Variants in POLI observed in about 807,000 individuals in gnomAD.
POLI encodes the protein RAD30 homolog B.
Under a neutral mutation model 51.6 loss-of-function variants are expected in POLI, and 58 were observed. The ratio of observed to expected loss-of-function variants is 1.12; its 90% CI spans 0.91 to 1.40. The LOEUF (loss-of-function observed/expected upper bound fraction) is 1.40. POLI is among the 40% of genes most tolerant of loss of function. The pLI is 0.00. For synonymous variants in POLI, 322 were observed against 299.7 expected, an observed-to-expected ratio of 1.07 and a Z score of -0.77; for missense variants, 921 against 871.3, an observed-to-expected ratio of 1.06 and a Z score of -0.72.
At chr18:54,290,146 A>G (rs563075184) in intron 8 of POLI, among the ~76,000 whole-genome samples, 1 of 152,268 alleles carries the variant, frequency 6.6e-6, no homozygotes, top group African/African-American at 2.4e-5. Flanking sequence ...AAAGCAAACA[A>G]CCCCATCAAA....
chr18:54,292,455 T>C (rs1032681331), intron 9 of POLI, among the ~76,000 whole-genome samples: 6 of 152,170 alleles, frequency 3.9e-5, no homozygotes, highest in African/African-American at 1.2e-4. Flanking sequence ...TTCTTCATTT[T>C]GAAATAGTAT....
Position 54,293,987 on chromosome 18 carries a change from C to T in POLI, c.1743C>T (p.Pro581=), listed in dbSNP as rs2088160744. The T allele has an allele frequency of 6.2e-7, 1 of 1,612,822 alleles. No individual in the cohort carries two copies. The highest frequency in any genetic ancestry group is 1.7e-5 in the Admixed American group (1 of 59,900). Residue 581 remains proline (P), a synonymous_variant, in exon 10 of 10, where the codon CCC becomes CCT. Transcript: ENST00000579534. The part of the protein sequence containing the change: ...FFSKKQMQDI[P]INPRDHLSSS... ...CTAAAAAACAAATGCAAGATATTCC[C>T]ATAAATCCTAGAGATCATTTATCCA...
intron 9 of POLI, among the ~76,000 whole-genome samples, chr18:54,292,513 T>C (rs1250513701): frequency 1.3e-5 from 2 of 152,148 alleles, no homozygotes; most frequent in Non-Finnish European, 2.9e-5. Flanking sequence ...ATTTCATAGT[T>C]GTAAAGTTAA....
Position 54,283,979 on chromosome 18 carries a change from A to T in POLI, c.1033A>T (p.Lys345Ter). 6.7e-7 allele frequency: 1 copy of T among 1,483,184 alleles called. No homozygotes were observed. The highest frequency in any genetic ancestry group is 9.3e-7 in the Non-Finnish European group (1 of 1,069,804). The allele number at this position is 1,483,184 out of a possible 1,614,324, so 91.9% of individuals were successfully genotyped here. ...KCSSEVEAKNKIEELLASLLN... is the reference protein window; with the variant it reads ...KCSSEVEAKN Reference sequence around the variant, plus strand: ...TTCATCTGAAGTTGAAGCTAAAAATAAGATTGAAGAACTACTTGCTAGTCT... The same window carrying T: ...TTCATCTGAAGTTGAAGCTAAAAATTAGATTGAAGAACTACTTGCTAGTCT... The change falls in exon 7 of 10, where the codon AAG (lysine) becomes TAG (stop). Residue 345 changes from lysine (K) to a stop codon, truncating the protein, a stop_gained. Coordinates refer to ENST00000579534, the MANE Select transcript of POLI (RefSeq NM_007195.3). LOFTEE classifies it high-confidence loss of function.
At chr18:54,280,980 T>A in intron 5 of POLI, 77 bp downstream of exon 5, 1 of 752,340 alleles carries the variant, frequency 1.3e-6, no homozygotes, top group Non-Finnish European at 2.1e-6. Flanking sequence ...AGATACAATG[T>A]AATTAATTCT....
chr18:54,312,523 G>T (rs1394339091), intron 3 of POLI, among the ~76,000 whole-genome samples: 3 of 152,076 alleles, frequency 2.0e-5, no homozygotes, highest in African/African-American at 7.2e-5. Flanking sequence ...GTTCTTTGAG[G>T]AATCTCCAAA....
At chr18:54,310,481 T>G (rs1444375960) in intron 3 of POLI, among the ~76,000 whole-genome samples, 1 of 66,392 alleles carries the variant, frequency 1.5e-5, no homozygotes, top group Non-Finnish European at 2.8e-5. Context: ...CAGTATTACC[T>G]ACTATTTTTT....
intron 3 of POLI, among the ~76,000 whole-genome samples, chr18:54,315,819 C>G (rs2088727795): frequency 6.6e-6 from 1 of 152,102 alleles, no homozygotes; most frequent in Non-Finnish European, 1.5e-5. Context: ...TCTTTCTCCA[C>G]CTCTTTACTT....
At chr18:54,290,171 T>C (rs1423821691) in intron 8 of POLI, among the ~76,000 whole-genome samples, 1 of 152,180 alleles carries the variant, frequency 6.6e-6, no homozygotes, top group African/African-American at 2.4e-5. Context: ...GGGCAAAGGA[T>C]ATGAACAGAC....
chr18:54,311,525 T>C (rs1423683496), intron 3 of POLI, among the ~76,000 whole-genome samples: 3 of 152,234 alleles, frequency 2.0e-5, no homozygotes, highest in Admixed American at 2.0e-4. Flanking sequence ...TTGATTTATC[T>C]AAACCAAACC....
At chr18:54,306,171 T>G (rs2088582804) in intron 3 of POLI, among the ~76,000 whole-genome samples, 1 of 152,226 alleles carries the variant, frequency 6.6e-6, no homozygotes, top group Non-Finnish European at 1.5e-5. Flanking sequence ...AAGGGAATGC[T>G]TCCAGTTTTT....
chr18:54,287,573 T>G, intron 8 of POLI, 162 bp downstream of exon 8: 1 of 532,740 alleles, frequency 1.9e-6, no homozygotes, highest in South Asian at 2.2e-5. Flanking sequence ...AACTTTGTTG[T>G]TTGTTTATTT....
In POLI at chr18:54,294,429, A is replaced by C. The variant is rs528650008; in HGVS notation, c.2185A>C (p.Lys729Gln). 1.2e-6 allele frequency: 2 copies of C among 1,610,572 alleles called. No homozygotes were observed. Among genetic ancestry groups the C allele is most frequent in the African/African-American group, 1.3e-5 (1 of 74,790 alleles). ...AVQKELLAEW[K>Q]RAGSDFHIGH... ...ACAAAAGGAACTGCTGGCAGAGTGG[A>C]AGAGAGCAGGATCAGATTTCCACAT... The change falls in exon 10 of 10, where the codon AAG becomes CAG. Residue 729 changes from lysine to glutamine, a missense_variant. Coordinates refer to ENST00000579534, the MANE Select transcript of POLI (RefSeq NM_007195.3).
In POLI at chr18:54,297,141, G is replaced by A. The variant is rs1331452694; in HGVS notation, c.*2674G>A. 1.0e-5 allele frequency: 10 copies of A among 985,258 alleles called. No homozygotes were observed. The highest frequency in any genetic ancestry group is 1.2e-5 in the Non-Finnish European group (10 of 829,932). 61.0% of individuals were successfully genotyped at this position (985,258 alleles called of 1,614,324 possible). On this transcript the variant is annotated 3_prime_UTR_variant, in exon 10 of 10. Coordinates refer to ENST00000579534, the MANE Select transcript of POLI (RefSeq NM_007195.3). ...AGCTCCCTGACCCTTACTACTAGCCGAAGGTTTTGTCTCTGCAGGTCAATT... is the reference window on the plus strand; with the variant it reads ...AGCTCCCTGACCCTTACTACTAGCCAAAGGTTTTGTCTCTGCAGGTCAATT...
chr18:54,290,640 T>A (rs928816315), intron 8 of POLI, among the ~76,000 whole-genome samples: 7 of 152,306 alleles, frequency 4.6e-5, no homozygotes, highest in African/African-American at 7.2e-5. Flanking sequence ...CATGGAATAC[T>A]ATGCAGCCAT....
intron 3 of POLI, among the ~76,000 whole-genome samples, chr18:54,315,496 G>C (rs999366334): frequency 6.6e-6 from 1 of 152,072 alleles, no homozygotes; most frequent in Non-Finnish European, 1.5e-5. Context: ...TCAAGTGTTT[G>C]CTTTAAGTCC....
intron 5 of POLI, among the ~76,000 whole-genome samples, chr18:54,282,159 T>G (rs2144519282): frequency 6.6e-6 from 1 of 152,328 alleles, no homozygotes; most frequent in African/African-American, 2.4e-5. Flanking sequence ...ACACTTAATT[T>G]ATTTTAATTG....
At chr18:54,284,144 T>A in intron 7 of POLI, 131 bp downstream of exon 7, 1 of 508,108 alleles carries the variant, frequency 2.0e-6, no homozygotes, top group Non-Finnish European at 3.6e-6. Flanking sequence ...AAATAATTTA[T>A]CATGGGATTT....
chr18:54,294,485 G>T lies in POLI; in HGVS notation c.*18G>T. ...ATAAATAAGCATATTCAGCAAAAAG[G>T]TCTGAAAAGCAAGGGAATACCATTA... On this transcript the variant is annotated 3_prime_UTR_variant, in exon 10 of 10. Coordinates refer to ENST00000579534, the MANE Select transcript of POLI (RefSeq NM_007195.3). 1 of 1,558,538 alleles carries T rather than the reference G, an allele frequency of 6.4e-7. No homozygotes were observed. The highest frequency in any genetic ancestry group is 8.6e-7 in the Non-Finnish European group (1 of 1,156,908).
Sources: gnomAD v4.1 joint callset for allele counts (sites outside exome capture counted in the v4.1 genomes callset) on GRCh38, gnomAD v4.1.1 for gene constraint, MANE v1.5 for transcripts, NCBI Gene and HGNC (gene_info 2026-07-23, HGNC 2026-07-21) for gene names.